KIAA1328: variants seen among roughly 807,000 people sequenced by gnomAD.
KIAA1328 encodes the protein protein hinderin.
Under a neutral mutation model 68.1 loss-of-function variants are expected in KIAA1328, and 52 were observed. The observed-to-expected ratio is 0.76, with a 90% CI of 0.61 to 0.96. The LOEUF is 0.96. KIAA1328 is among the 40% of genes least tolerant of loss of function. The probability of loss-of-function intolerance (pLI) is 0.00; values close to 1 mark genes in which losing one functional copy is unlikely to be tolerated. For missense variants in KIAA1328, 641 were observed against 677.6 expected (o/e 0.95, Z 0.60); for synonymous variants, 232 against 239.4 (o/e 0.97, Z 0.28).
chr18:36,849,959 C>A (rs1412239722), intron 4 of KIAA1328, among the ~76,000 whole-genome samples: 4 of 152,016 alleles, frequency 2.6e-5, no homozygotes, highest in African/African-American at 9.7e-5. Flanking sequence ...ACTGAAAAAT[C>A]TTTTCATGTG....
At chr18:37,121,102 G>A (rs1159012527) in intron 7 of KIAA1328, among the ~76,000 whole-genome samples, 2 of 152,046 alleles carry the variant, frequency 1.3e-5, no homozygotes, top group East Asian at 3.9e-4. Flanking sequence ...GATTTTTAAA[G>A]TTTTAGAGTT....
intron 5 of KIAA1328, among the ~76,000 whole-genome samples, chr18:36,933,318 C>A (rs2050380280): frequency 6.6e-6 from 1 of 152,120 alleles, no homozygotes; most frequent in South Asian, 2.1e-4. Context: ...AGAGAGATAA[C>A]CCCCTCACCA....
intron 3 of KIAA1328, 49 bp downstream of exon 3, chr18:36,835,425 AGTGCTGACC>A: frequency 2.0e-6 from 3 of 1,538,004 alleles, no homozygotes; most frequent in Non-Finnish European, 2.6e-6. Context: ...AGTCTTTATG[AGTGCTGACC>A]AAAAAGGGTA....
intron 1 of KIAA1328, chr18:36,829,501 G>T: frequency 8.6e-7 from 1 of 1,156,204 alleles, no homozygotes; most frequent in Non-Finnish European, 1.1e-6. Context: ...GGCCCTCCGA[G>T]GTCCCTCTGC....
At chr18:37,043,090 TA>T (rs1014814874) in intron 6 of KIAA1328, among the ~76,000 whole-genome samples, 6 of 151,908 alleles carry the variant, frequency 3.9e-5, no homozygotes, top group Non-Finnish European at 5.9e-5. Context: ...TTCTTTGTTG[TA>T]AAAAAAAATT....
intron 5 of KIAA1328, among the ~76,000 whole-genome samples, chr18:36,921,526 C>T (rs2049923194): frequency 6.6e-6 from 1 of 152,106 alleles, no homozygotes; most frequent in African/African-American, 2.4e-5. Flanking sequence ...GCCTCAGCCT[C>T]CCAAGTAGCT....
At chr18:37,174,574 TTTTTATTTTTATTTTA>T in intron 9 of KIAA1328, among the ~76,000 whole-genome samples, 1 of 143,546 alleles carries the variant, frequency 7.0e-6, no homozygotes, top group African/African-American at 2.7e-5. Context: ...TTTATTTTTA[TTTTTATTTTTATTTTA>T]TTTTATTTTA....
At chr18:36,988,839 C>T (rs1400960916) in intron 6 of KIAA1328, among the ~76,000 whole-genome samples, 1 of 151,670 alleles carries the variant, frequency 6.6e-6, no homozygotes, top group Non-Finnish European at 1.5e-5. Flanking sequence ...TTACTGTTAC[C>T]TTGGGCAGAT....
chr18:37,216,899 C>CTTTTTTTTTTTTT (rs762745405), intron 9 of KIAA1328, among the ~76,000 whole-genome samples: 22 of 90,356 alleles, frequency 2.4e-4, no homozygotes, highest in Non-Finnish European at 4.0e-4. Flanking sequence ...TTCTTTGTCT[C>CTTTTTTTTTTTTT]TTTTTTTTTT....
intron 5 of KIAA1328, among the ~76,000 whole-genome samples, chr18:36,887,369 C>T (rs1300736285): frequency 3.3e-5 from 5 of 151,896 alleles, no homozygotes; most frequent in Non-Finnish European, 7.4e-5. Context: ...TTTACAGGCT[C>T]CTTTATTTCT....
chr18:37,028,112 A>G (rs1388165651), intron 6 of KIAA1328, among the ~76,000 whole-genome samples: 2 of 152,168 alleles, frequency 1.3e-5, no homozygotes, highest in East Asian at 1.9e-4. Flanking sequence ...AAAAATGCCC[A>G]TGTGTTCTCA....
At chr18:37,108,701 T>C (rs910106297) in intron 7 of KIAA1328, among the ~76,000 whole-genome samples, 2 of 152,178 alleles carry the variant, frequency 1.3e-5, no homozygotes, top group African/African-American at 2.4e-5. Flanking sequence ...GGAGCAAAGC[T>C]TTATTCTTAC....
intron 5 of KIAA1328, among the ~76,000 whole-genome samples, chr18:36,927,789 T>G (rs1598736470): frequency 3.8e-5 from 5 of 130,510 alleles, no homozygotes; most frequent in African/African-American, 8.8e-5. Flanking sequence ...AAGAAATGAG[T>G]GGGGTGGAAG....
chr18:36,965,036 G>A (rs751620575), intron 6 of KIAA1328, among the ~76,000 whole-genome samples: 1 of 152,076 alleles, frequency 6.6e-6, no homozygotes, highest in Non-Finnish European at 1.5e-5. Context: ...AGCCTAGGCA[G>A]CATTTTGAAT....
At chr18:36,988,342 T>A (rs538621800) in intron 6 of KIAA1328, among the ~76,000 whole-genome samples, 1 of 152,348 alleles carries the variant, frequency 6.6e-6, no homozygotes, top group South Asian at 2.1e-4. Flanking sequence ...CTTTTTTACA[T>A]GCCTGTTAAC....
chr18:36,844,319 T>C lies in KIAA1328; in HGVS notation c.332+17T>C, dbSNP rs1451226889. 1 of 1,491,048 alleles carries C rather than the reference T, an allele frequency of 6.7e-7. No homozygotes were observed. Among genetic ancestry groups the C allele is most frequent in the South Asian group, 1.3e-5 (1 of 78,932 alleles). 92.4% of individuals were successfully genotyped at this position (1,491,048 alleles called of 1,614,324 possible). A position where few individuals can be genotyped will look rare whatever the true frequency, so the allele number is the denominator to read the frequency against. ...ACTGGCCAGGTGAGATAAAACCTTA[T>C]ATGAAATGATTTATTATACAAAAGA... is the stretch of plus-strand genomic sequence containing the variant. On this transcript the variant is annotated intron_variant, in intron 4 of 9. Coordinates refer to ENST00000280020, the MANE Select transcript of KIAA1328 (RefSeq NM_020776.3).
intron 6 of KIAA1328, among the ~76,000 whole-genome samples, chr18:37,016,087 G>T (rs1250912220): frequency 1.3e-5 from 2 of 152,108 alleles, no homozygotes; most frequent in Non-Finnish European, 2.9e-5. Flanking sequence ...GTTATCAAGG[G>T]GAATGCTTCC....
chr18:37,051,161 G>A (rs374894477), intron 6 of KIAA1328, among the ~76,000 whole-genome samples: 6 of 151,860 alleles, frequency 4.0e-5, no homozygotes, highest in African/African-American at 1.5e-4. Flanking sequence ...TTCACGAAAT[G>A]TAGTAATGGT....
chr18:36,963,442 A>G (rs2051782588), intron 6 of KIAA1328, among the ~76,000 whole-genome samples: 1 of 152,230 alleles, frequency 6.6e-6, no homozygotes, highest in African/African-American at 2.4e-5. Context: ...GTCTTATCTT[A>G]AGGATACAGA....
Sources: allele counts gnomAD v4.1 joint callset (sites outside exome capture counted in the v4.1 genomes callset), GRCh38; gene constraint gnomAD v4.1.1; transcripts MANE v1.5; gene names NCBI Gene and HGNC (gene_info 2026-07-23, HGNC 2026-07-21).